Variants in DHRSX observed in about 807,000 individuals in gnomAD.
DHRSX encodes polyprenol dehydrogenase.
In DHRSX, 31 loss-of-function variants were observed where a neutral mutation model predicts 34.0. The observed-to-expected ratio is 0.91, with a 90% CI of 0.69 to 1.23. DHRSX has a LOEUF of 1.23. Among genes scored for constraint, DHRSX ranks in the 50% most tolerant of loss-of-function variants. The pLI, the probability that DHRSX is intolerant of heterozygous loss-of-function variation, is 0.00. For missense variants in DHRSX, 414 were observed against 428.1 expected, an observed-to-expected ratio of 0.97 and a Z score of 0.29; for synonymous variants, 201 against 183.8, an observed-to-expected ratio of 1.09 and a Z score of -0.76.
chrX:2,262,539 T>C (rs1237374701), intron 5 of DHRSX, among the ~76,000 whole-genome samples: 2 of 151,974 alleles, frequency 1.3e-5, no homozygotes, highest in Non-Finnish European at 2.9e-5. Flanking sequence ...CACCTGTGCA[T>C]ACTGGTACAC....
chrX:2,230,617 G>A (rs958765841), intron 6 of DHRSX, among the ~76,000 whole-genome samples: 4 of 152,214 alleles, frequency 2.6e-5, no homozygotes, highest in African/African-American at 9.6e-5. Flanking sequence ...TTAAGCGAAG[G>A]AGAGGACGCT....
chrX:2,416,590 G>A (rs947039550), intron 2 of DHRSX, among the ~76,000 whole-genome samples: 37 of 152,088 alleles, frequency 2.4e-4, no homozygotes, highest in African/African-American at 7.0e-4. Flanking sequence ...TCATAGTTAT[G>A]AGAGAAACAT....
chrX:2,246,702 GAA>G (rs1279301769), intron 5 of DHRSX, among the ~76,000 whole-genome samples: 1 of 93,452 alleles, frequency 1.1e-5, no homozygotes, highest in Admixed American at 1.4e-4. Flanking sequence ...AGAAAAGAAA[GAA>G]AGAGAAAGAA....
rs753154145 is a variant in DHRSX at position 2,408,827 on chromosome X, G to GA, written c.218-15dup. On this transcript the variant is annotated splice_polypyrimidine_tract_variant and intron_variant, in intron 2 of 6. Transcript: ENST00000334651. ...CATTATTTCCAGCTAAAAGGAAAAA[G>GA]AAAAAAAAGATACGGTGACTTGTAG... 5.1e-6 allele frequency: 8 copies of GA among 1,572,204 alleles called. No homozygotes were observed. The highest frequency in any genetic ancestry group is 3.6e-5 in the Admixed American group (2 of 55,120).
At chrX:2,259,399 T>TATAG in intron 5 of DHRSX, among the ~76,000 whole-genome samples, 1 of 124,178 alleles carries the variant, frequency 8.1e-6, no homozygotes, top group African/African-American at 3.0e-5. Context: ...TATATAGATA[T>TATAG]ATATATAGAT....
At chrX:2,423,841 G>A (rs2043810642) in intron 2 of DHRSX, among the ~76,000 whole-genome samples, 1 of 152,106 alleles carries the variant, frequency 6.6e-6, no homozygotes, top group South Asian at 2.1e-4. Context: ...AGAGGAAGAG[G>A]AGTCAGAGAT....
At chrX:2,382,289 T>G (rs1230067168) in intron 3 of DHRSX, among the ~76,000 whole-genome samples, 1 of 152,030 alleles carries the variant, frequency 6.6e-6, no homozygotes, top group Non-Finnish European at 1.5e-5. Flanking sequence ...GTGTCAGACT[T>G]GGCCAACCTA....
At chrX:2,407,547 C>T (rs2043572044) in intron 3 of DHRSX, among the ~76,000 whole-genome samples, 2 of 152,156 alleles carry the variant, frequency 1.3e-5, no homozygotes, top group Non-Finnish European at 2.9e-5. Flanking sequence ...TCTTTACATC[C>T]CCTCGTTATC....
chrX:2,430,492 C>A (rs901872733), intron 1 of DHRSX, among the ~76,000 whole-genome samples: 1 of 152,086 alleles, frequency 6.6e-6, no homozygotes, highest in Non-Finnish European at 1.5e-5. Flanking sequence ...CGGGCTTCCT[C>A]AGGGTTTTGG....
At chrX:2,450,110 C>A (rs1314604715) in intron 1 of DHRSX, among the ~76,000 whole-genome samples, 1 of 147,428 alleles carries the variant, frequency 6.8e-6, no homozygotes, top group Non-Finnish European at 1.5e-5. Context: ...CAAATAAGTG[C>A]ATTCCAATTA....
At chrX:2,296,417 G>A (rs1160050925) in intron 3 of DHRSX, among the ~76,000 whole-genome samples, 1 of 152,186 alleles carries the variant, frequency 6.6e-6, no homozygotes, top group African/African-American at 2.4e-5. Context: ...TCAGCATGAA[G>A]CAAAAATGTG....
intron 3 of DHRSX, among the ~76,000 whole-genome samples, chrX:2,358,368 G>C (rs1429555775): frequency 6.6e-6 from 1 of 152,108 alleles, no homozygotes. Context: ...GCCACGTCAG[G>C]CAAAGGACAT....
chrX:2,419,449 C>T (rs2043743738), intron 2 of DHRSX, among the ~76,000 whole-genome samples: 1 of 152,072 alleles, frequency 6.6e-6, no homozygotes, highest in Non-Finnish European at 1.5e-5. Flanking sequence ...ACCATTTGAC[C>T]CAGCCATCCC....
chrX:2,459,579 T>TATAC (rs1178347741), intron 1 of DHRSX, among the ~76,000 whole-genome samples: 61 of 127,944 alleles, frequency 4.8e-4, no homozygotes, highest in East Asian at 2.0e-3. Flanking sequence ...TATATATATA[T>TATAC]ACACACACAT....
intron 3 of DHRSX, among the ~76,000 whole-genome samples, chrX:2,401,645 T>C (rs1348355558): frequency 6.6e-6 from 1 of 152,192 alleles, no homozygotes; most frequent in Non-Finnish European, 1.5e-5. Flanking sequence ...CCATCTGAGT[T>C]CATTTGAACA....
chrX:2,223,110 C>T (rs1471717141), intron 6 of DHRSX, among the ~76,000 whole-genome samples: 4 of 152,078 alleles, frequency 2.6e-5, no homozygotes, highest in Non-Finnish European at 4.4e-5. Context: ...GAGGCTGATA[C>T]GGTTTGGCTG....
intron 5 of DHRSX, among the ~76,000 whole-genome samples, chrX:2,251,899 G>A (rs1186829468): frequency 2.0e-5 from 3 of 152,080 alleles, no homozygotes; most frequent in Admixed American, 2.0e-4. Flanking sequence ...TGGGGGTTGG[G>A]GTGGGGTAGG....
chrX:2,239,283 C>T (rs2016085312), intron 6 of DHRSX, among the ~76,000 whole-genome samples: 1 of 151,880 alleles, frequency 6.6e-6, no homozygotes, highest in African/African-American at 2.4e-5. Flanking sequence ...GTCATCCCAG[C>T]ACTTTGGGAG....
chrX:2,246,706 G>GAGAAGGAAAGAA lies in DHRSX; in HGVS notation c.597-3477_597-3476insTTCTTTCCTTCT, dbSNP rs1556432407. On this transcript the variant is annotated intron_variant, in intron 5 of 6. Coordinates refer to ENST00000334651, the MANE Select transcript of DHRSX (RefSeq NM_145177.3). ...AGAAAAAGAAAAGAAAAGAAAGAAAGAGAAAGAAAGAAAGAAAGAAAGAAA... is the reference window on the plus strand; with the variant it reads ...AGAAAAAGAAAAGAAAAGAAAGAAAGAGAAGGAAAGAAAGAAAGAAAGAAAGAAAGAAAGAAA... Among the ~76,000 whole-genome samples, 6 of 107,506 alleles carry GAGAAGGAAAGAA rather than the reference G, an allele frequency of 5.6e-5. No homozygotes were observed. In the East Asian group the frequency reaches 1.6e-3, roughly 28 times the overall value. The allele number at this position is 107,506 out of a possible 152,430, so 70.5% of individuals were successfully genotyped here.
Sources: allele counts gnomAD v4.1 joint callset (sites outside exome capture counted in the v4.1 genomes callset), GRCh38; gene constraint gnomAD v4.1.1; transcripts MANE v1.5; gene names NCBI Gene and HGNC (gene_info 2026-07-23, HGNC 2026-07-21).